PCDH15: variants seen among roughly 807,000 people sequenced by gnomAD.
PCDH15 encodes the protein protocadherin-15.
Under a neutral mutation model 178.5 loss-of-function variants are expected in PCDH15, and 129 were observed. The observed-to-expected ratio is 0.72, with a 90% confidence interval of 0.63 to 0.84. The LOEUF is 0.84. Among genes scored for constraint, PCDH15 ranks in the 40% least tolerant of loss-of-function variants. The pLI, the probability that PCDH15 is intolerant of heterozygous loss-of-function variation, is 0.00. For synonymous variants in PCDH15, 800 were observed against 732.0 expected (o/e 1.09, Z -1.50); for missense variants, 2,230 against 2,099.9 (o/e 1.06, Z -1.21).
At chr10:54,011,083 T>C (rs1293083292) in intron 20 of PCDH15, among the ~76,000 whole-genome samples, 3 of 151,704 alleles carry the variant, frequency 2.0e-5, no homozygotes, top group Non-Finnish European at 4.4e-5. Flanking sequence ...TCCCGTTCTT[T>C]ACCCAGCTCA....
intron 2 of PCDH15, among the ~76,000 whole-genome samples, chr10:55,424,510 A>G (rs1299295447): frequency 1.3e-5 from 2 of 152,132 alleles, no homozygotes; most frequent in Non-Finnish European, 2.9e-5. Context: ...GCAATTAGGT[A>G]ACAATGCCTC....
At chr10:55,062,414 T>C (rs931441397) in intron 2 of PCDH15, among the ~76,000 whole-genome samples, 2 of 152,206 alleles carry the variant, frequency 1.3e-5, no homozygotes, top group Non-Finnish European at 2.9e-5. Context: ...TATTTTGTTA[T>C]AGCCATCAGA....
intron 1 of PCDH15, among the ~76,000 whole-genome samples, chr10:55,267,357 C>A (rs1192885300): frequency 6.6e-6 from 1 of 152,086 alleles, no homozygotes; most frequent in African/African-American, 2.4e-5. Context: ...AACAGCATTG[C>A]AATTTCAGAT....
chr10:55,192,728 T>TCG (rs201853728), intron 1 of PCDH15, among the ~76,000 whole-genome samples: 17,400 of 149,664 alleles, frequency 0.12, 1,416 homozygotes, highest in Non-Finnish European at 0.17. Flanking sequence ...AGAATCTCTC[T>TCG]CTCTCTCTCT....
intron 8 of PCDH15, among the ~76,000 whole-genome samples, chr10:54,279,829 CA>C (rs2058570222): frequency 1.3e-5 from 2 of 151,674 alleles, no homozygotes; most frequent in Non-Finnish European, 3.0e-5. Flanking sequence ...AAACACTTAT[CA>C]GGTGACTGCG....
rs187898056 is a variant in PCDH15, at chr10:53,896,601, C to T, written c.3501+6642G>A. Among the ~76,000 whole-genome samples, 30 of 152,262 alleles carry T rather than the reference C, an allele frequency of 2.0e-4. No individual in the cohort carries two copies. The East Asian group carries it at 5.0e-3, about 26-fold the overall frequency. On this transcript the variant is annotated intron_variant, in intron 26 of 37. Transcript: ENST00000644397. The stretch of plus-strand genomic sequence containing the variant: ...CCTCAGGCCATGGACAACTACCAGT[C>T]GGTGACCTGTTAAGAACTGGGCCAC...
intron 15 of PCDH15, among the ~76,000 whole-genome samples, chr10:54,115,668 C>T (rs2132768657): frequency 6.6e-6 from 1 of 152,346 alleles, no homozygotes; most frequent in East Asian, 1.9e-4. Context: ...TTTACTTGGA[C>T]TGCACTGAAG....
At chr10:54,678,798 AAAT>A (rs1407391199) in intron 1 of PCDH15, among the ~76,000 whole-genome samples, 1 of 152,224 alleles carries the variant, frequency 6.6e-6, no homozygotes. Context: ...ATATGGCAGG[AAAT>A]AATAATGATA....
intron 2 of PCDH15, among the ~76,000 whole-genome samples, chr10:55,140,478 C>A (rs527467389): frequency 1.3e-5 from 2 of 151,858 alleles, no homozygotes; most frequent in Admixed American, 6.6e-5. Context: ...AATTTTTCTT[C>A]TTTAGCCTAT....
intron 2 of PCDH15, among the ~76,000 whole-genome samples, chr10:55,014,338 G>T (rs989044708): frequency 2.6e-5 from 4 of 151,962 alleles, no homozygotes; most frequent in Non-Finnish European, 4.4e-5. Context: ...CTTCACCTTT[G>T]CTAATTGTGA....
chr10:54,900,658 G>T (rs1358249641), intron 2 of PCDH15, among the ~76,000 whole-genome samples: 1 of 151,954 alleles, frequency 6.6e-6, no homozygotes, highest in Non-Finnish European at 1.5e-5. Context: ...ATTCCAATTT[G>T]CTTAAACAAA....
chr10:55,266,071 A>G (rs1383510731), intron 1 of PCDH15, among the ~76,000 whole-genome samples: 2 of 152,204 alleles, frequency 1.3e-5, no homozygotes, highest in Admixed American at 6.5e-5. Context: ...ACCTTTCACC[A>G]GGGTGAAACA....
At chr10:54,501,453 C>A (rs2080681880) in intron 3 of PCDH15, among the ~76,000 whole-genome samples, 1 of 151,746 alleles carries the variant, frequency 6.6e-6, no homozygotes, top group South Asian at 2.1e-4. Context: ...AAAATAAACA[C>A]CACATTATTC....
intron 2 of PCDH15, among the ~76,000 whole-genome samples, chr10:55,082,511 G>C (rs1265626794): frequency 6.8e-6 from 1 of 147,014 alleles, no homozygotes; most frequent in Non-Finnish European, 1.5e-5. Flanking sequence ...AATTAGAAAA[G>C]CAAAACCAAA....
intron 3 of PCDH15, among the ~76,000 whole-genome samples, chr10:54,823,239 G>A (rs1048347740): frequency 9.9e-5 from 15 of 151,090 alleles, no homozygotes; most frequent in African/African-American, 4.9e-5. Flanking sequence ...ACACGCACAC[G>A]CACACGCATA....
chr10:54,709,260 A>G (rs995046639), intron 1 of PCDH15, among the ~76,000 whole-genome samples: 25 of 147,714 alleles, frequency 1.7e-4, no homozygotes, highest in African/African-American at 5.3e-4. Context: ...GTATAGAAAC[A>G]GAATTTTATA....
At chr10:54,738,970 A>C (rs7916498) in intron 1 of PCDH15, among the ~76,000 whole-genome samples, 5,497 of 152,158 alleles carry the variant, frequency 0.036, 345 homozygotes, top group African/African-American at 0.13. Context: ...TGAATGGGAA[A>C]ACATTGAAAG....
At chr10:54,003,314 C>T (rs151193367) in intron 20 of PCDH15, among the ~76,000 whole-genome samples, 2 of 151,932 alleles carry the variant, frequency 1.3e-5, no homozygotes, top group African/African-American at 2.4e-5. Context: ...ATCAATGAAA[C>T]AGAAAGTTTG....
chr10:54,076,920 T>C (rs2094351668), intron 17 of PCDH15, among the ~76,000 whole-genome samples: 1 of 152,172 alleles, frequency 6.6e-6, no homozygotes, highest in African/African-American at 2.4e-5. Context: ...GTTTATTAAA[T>C]ATCTGTTTTA....
Sources: allele counts gnomAD v4.1 joint callset (sites outside exome capture counted in the v4.1 genomes callset), GRCh38; gene constraint gnomAD v4.1.1; transcripts MANE v1.5; gene names NCBI Gene and HGNC (gene_info 2026-07-23, HGNC 2026-07-21).